Variants in SEMA5A observed in about 807,000 individuals in gnomAD.
SEMA5A encodes the protein semaphorin-5A.
SEMA5A carries 55 observed loss-of-function variants against 135.5 expected under a neutral mutation model. That is an observed-to-expected ratio of 0.41 (90% confidence interval 0.33 to 0.51). The LOEUF (loss-of-function observed/expected upper bound fraction) is 0.51. Among genes scored for constraint, SEMA5A ranks in the 20% least tolerant of loss-of-function variants. SEMA5A has a pLI of 0.37. For synonymous variants in SEMA5A, 580 were observed against 546.5 expected (o/e 1.06, Z -0.85); for missense variants, 1,290 against 1,419.9 (o/e 0.91, Z 1.47).
intron 1 of SEMA5A, among the ~76,000 whole-genome samples, chr5:9,485,468 G>C (rs1734654893): frequency 6.6e-6 from 1 of 152,154 alleles, no homozygotes; most frequent in Non-Finnish European, 1.5e-5. Context: ...CCCGAGCTCA[G>C]AGACAACAAA....
intron 15 of SEMA5A, among the ~76,000 whole-genome samples, chr5:9,113,544 AAAC>A (rs1250188959): frequency 1.3e-5 from 2 of 152,246 alleles, no homozygotes; most frequent in East Asian, 1.9e-4. Context: ...TGCATATTTT[AAAC>A]AACATTTTGT....
At chr5:9,352,174 T>C (rs1450033748) in intron 3 of SEMA5A, among the ~76,000 whole-genome samples, 1 of 151,964 alleles carries the variant, frequency 6.6e-6, no homozygotes, top group East Asian at 1.9e-4. Context: ...TCAATGCATG[T>C]GTTAAAAGGA....
chr5:9,126,684 G>A (rs1484362097), intron 13 of SEMA5A, among the ~76,000 whole-genome samples: 1 of 152,170 alleles, frequency 6.6e-6, no homozygotes, highest in African/African-American at 2.4e-5. Flanking sequence ...GCAGGCCGGG[G>A]TGGGGAACTG....
chr5:9,280,918 G>A (rs1377492317), intron 5 of SEMA5A: 3 of 208,228 alleles, frequency 1.4e-5, no homozygotes, highest in South Asian at 1.3e-4. Context: ...TAATTCCTCC[G>A]TTAATTTAAC....
rs2150019599 is a variant in SEMA5A, at chr5:9,041,239, A to AATT, written c.*1655_*1657dup. 2 of 152,348 alleles carry AATT rather than the reference A, an allele frequency of 1.3e-5. No homozygotes were observed. Among genetic ancestry groups the AATT allele is most frequent in the Admixed American group, 1.3e-4 (2 of 15,302 alleles). The allele number at this position is 152,348 out of a possible 1,614,324, so 9.4% of individuals were successfully genotyped here. ...AACACTTTCTGAAATTGTTTCTTTA[A>AATT]ATTAGAAACAAAGATAAGGGTAAAA... On this transcript the variant is annotated 3_prime_UTR_variant, in exon 23 of 23. Transcript: ENST00000382496.
chr5:9,529,449 A>G (rs913900284), intron 1 of SEMA5A, among the ~76,000 whole-genome samples: 1 of 152,256 alleles, frequency 6.6e-6, no homozygotes, highest in African/African-American at 2.4e-5. Flanking sequence ...TCCTCCCAGT[A>G]GCTTCCGGGT....
chr5:9,136,042 A>T (rs1017548490), intron 13 of SEMA5A, among the ~76,000 whole-genome samples: 1 of 152,172 alleles, frequency 6.6e-6, no homozygotes, highest in Non-Finnish European at 1.5e-5. Context: ...CTTGAACAGG[A>T]TCTACGGGTT....
At chr5:9,236,356 C>T (rs1747908817) in intron 6 of SEMA5A, among the ~76,000 whole-genome samples, 2 of 152,142 alleles carry the variant, frequency 1.3e-5, no homozygotes, top group South Asian at 4.1e-4. Context: ...AGTCTGACTC[C>T]AGGTCCCATC....
intron 5 of SEMA5A, among the ~76,000 whole-genome samples, chr5:9,298,370 T>C (rs1269652648): frequency 2.0e-5 from 3 of 152,126 alleles, no homozygotes; most frequent in African/African-American, 7.2e-5. Context: ...CCCTAGAGCC[T>C]TAGGGAAGAA....
intron 12 of SEMA5A, among the ~76,000 whole-genome samples, chr5:9,149,554 G>A (rs1266827530): frequency 6.6e-6 from 1 of 152,220 alleles, no homozygotes; most frequent in Non-Finnish European, 1.5e-5. Context: ...TGAGGCAGGA[G>A]AATAACTTGA....
intron 1 of SEMA5A, among the ~76,000 whole-genome samples, chr5:9,493,037 T>C (rs990836113): frequency 1.3e-5 from 2 of 152,092 alleles, no homozygotes; most frequent in African/African-American, 2.4e-5. Flanking sequence ...GATGTGCCAA[T>C]GTAGGTTGAT....
intron 1 of SEMA5A, among the ~76,000 whole-genome samples, chr5:9,453,482 C>T (rs1193942171): frequency 6.6e-6 from 1 of 152,126 alleles, no homozygotes; most frequent in Non-Finnish European, 1.5e-5. Flanking sequence ...GCTGGTATTC[C>T]TAAGTGCAGG....
chr5:9,477,702 C>T (rs966214889), intron 1 of SEMA5A, among the ~76,000 whole-genome samples: 2 of 152,124 alleles, frequency 1.3e-5, no homozygotes, highest in Admixed American at 6.5e-5. Flanking sequence ...CAAGATGTGA[C>T]CTGGGTGCTC....
chr5:9,136,481 G>T, intron 13 of SEMA5A, 23 bp downstream of exon 13: 1 of 1,588,026 alleles, frequency 6.3e-7, no homozygotes, highest in Non-Finnish European at 8.6e-7. Context: ...CATTTTCAGA[G>T]GATGGAGAAG....
chr5:9,436,059 C>T (rs1758018060), intron 2 of SEMA5A, among the ~76,000 whole-genome samples: 1 of 152,176 alleles, frequency 6.6e-6, no homozygotes, highest in Non-Finnish European at 1.5e-5. Flanking sequence ...GCCTCTGACT[C>T]ACTGCAATTC....
At chr5:9,062,391 G>T (rs1281429425) in intron 18 of SEMA5A, among the ~76,000 whole-genome samples, 1 of 152,214 alleles carries the variant, frequency 6.6e-6, no homozygotes, top group Admixed American at 6.5e-5. Context: ...GGGAGAAGGG[G>T]TTTCTTTTTC....
At chr5:9,525,883 A>T (rs769734424) in intron 1 of SEMA5A, among the ~76,000 whole-genome samples, 1 of 152,232 alleles carries the variant, frequency 6.6e-6, no homozygotes, top group South Asian at 2.1e-4. Context: ...ATAGATGTGA[A>T]ATAATTGAGT....
intron 1 of SEMA5A, among the ~76,000 whole-genome samples, chr5:9,475,744 T>A (rs1478326180): frequency 6.6e-6 from 1 of 151,878 alleles, no homozygotes; most frequent in East Asian, 1.9e-4. Context: ...GAAAAAAGAG[T>A]CTCATTCATA....
chr5:9,412,798 G>T (rs955640607), intron 2 of SEMA5A, among the ~76,000 whole-genome samples: 2 of 152,078 alleles, frequency 1.3e-5, no homozygotes, highest in African/African-American at 4.8e-5. Context: ...CATCAAATGA[G>T]ATCAGGTGTA....
Sources: allele counts gnomAD v4.1 joint callset (sites outside exome capture counted in the v4.1 genomes callset), GRCh38; gene constraint gnomAD v4.1.1; transcripts MANE v1.5; gene names NCBI Gene and HGNC (gene_info 2026-07-23, HGNC 2026-07-21).